The following OSBPL10 variants were observed in gnomAD, a reference collection of about 807,000 sequenced individuals.
OSBPL10 encodes the protein oxysterol binding protein like 10.
In OSBPL10, 49 loss-of-function variants were observed where a neutral mutation model predicts 81.7. The observed-to-expected ratio is 0.60, with a 90% confidence interval of 0.48 to 0.76. The LOEUF is 0.76. Among genes scored for constraint, OSBPL10 ranks in the 30% least tolerant of loss-of-function variants. The pLI is 0.00. For missense variants in OSBPL10, 923 were observed against 987.8 expected (o/e 0.93, Z 0.88); for synonymous variants, 419 against 383.6 (o/e 1.09, Z -1.08).
chr3:31,925,859 T>C (rs965434831), intron 1 of OSBPL10, among the ~76,000 whole-genome samples: 1 of 152,128 alleles, frequency 6.6e-6, no homozygotes, highest in Admixed American at 6.6e-5. Flanking sequence ...ACAAGAAGAA[T>C]ATCCCAAAGC....
chr3:31,859,997 T>C (rs765063054), intron 3 of OSBPL10, among the ~76,000 whole-genome samples: 2 of 152,104 alleles, frequency 1.3e-5, no homozygotes, highest in Non-Finnish European at 2.9e-5. Context: ...ACAGTTCCAT[T>C]TGGGCATGGA....
intron 4 of OSBPL10, among the ~76,000 whole-genome samples, 158 bp downstream of exon 4, chr3:31,829,882 A>G (rs572760818): frequency 3.9e-5 from 6 of 152,236 alleles, no homozygotes; most frequent in African/African-American, 1.4e-4. Context: ...AACTTTTTTT[A>G]AACCAGGAAG....
chr3:31,922,888 T>C (rs1696960750), intron 1 of OSBPL10, among the ~76,000 whole-genome samples: 1 of 152,014 alleles, frequency 6.6e-6, no homozygotes, highest in Non-Finnish European at 1.5e-5. Flanking sequence ...TCAGCAACAA[T>C]AACCTTCTAG....
intron 1 of OSBPL10, among the ~76,000 whole-genome samples, chr3:32,075,793 CAAGCT>C (rs1699869235): frequency 6.6e-6 from 1 of 152,188 alleles, no homozygotes; most frequent in Non-Finnish European, 1.5e-5. Context: ...CCTCTGAGCC[CAAGCT>C]AAGCCATCAT....
Position 32,048,446 on chromosome 3 carries a change from T to G in OSBPL10, n.186-1843A>C, listed in dbSNP as rs146937868. On this transcript the variant is annotated intron_variant and non_coding_transcript_variant, in intron 1 of 3. Transcript: ENST00000479173. ...CCTCAGCCTCCCAAATAGCTGCGAT[T>G]ACAGGCATACGCCACCATGCCCGGC... is the stretch of plus-strand genomic sequence containing the variant. Among the ~76,000 whole-genome samples, 991 of 152,222 alleles carry G rather than the reference T, an allele frequency of 6.5e-3. 12 individuals are homozygous for G. Among genetic ancestry groups the G allele is most frequent in the African/African-American group, 0.023 (943 of 41,512 alleles).
Position 31,872,308 on chromosome 3 carries a change from G to A in OSBPL10, c.537+4125C>T, listed in dbSNP as rs74783676. On this transcript the variant is annotated intron_variant, in intron 3 of 11. Coordinates refer to ENST00000396556, the MANE Select transcript of OSBPL10 (RefSeq NM_017784.5). ...CTGTGAGGCTAGATGTCAGAGCAAG[G>A]ACAAGAAAGCAGGAGACCCAGGTTC... Among the ~76,000 whole-genome samples the A allele has an allele frequency of 2.4e-4, 36 of 152,302 alleles. No homozygotes were observed. In the East Asian group the frequency reaches 6.9e-3, roughly 29 times the overall value.
At chr3:31,699,463 G>A (rs1695828055) in intron 7 of OSBPL10, among the ~76,000 whole-genome samples, 3 of 152,216 alleles carry the variant, frequency 2.0e-5, no homozygotes, top group Non-Finnish European at 2.9e-5. Flanking sequence ...TTCCAGTGGA[G>A]GTAGTCACCA....
At chr3:31,956,052 A>G (rs1469394735) in intron 1 of OSBPL10, among the ~76,000 whole-genome samples, 1 of 152,238 alleles carries the variant, frequency 6.6e-6, no homozygotes, top group Non-Finnish European at 1.5e-5. Context: ...GTTCCTAAAC[A>G]TGTAGCATTG....
At chr3:31,774,175 A>AAAG (rs556197659) in intron 4 of OSBPL10, among the ~76,000 whole-genome samples, 3,622 of 146,860 alleles carry the variant, frequency 0.025, 71 homozygotes, top group Middle Eastern at 0.034. Context: ...AAAAAAAAAA[A>AAAG]AAAAGAAAGA....
At chr3:31,848,298 C>T (rs1700683105) in intron 3 of OSBPL10, among the ~76,000 whole-genome samples, 1 of 151,584 alleles carries the variant, frequency 6.6e-6, no homozygotes, top group African/African-American at 2.4e-5. Flanking sequence ...TTACTCTCTG[C>T]TTGTCCTAGA....
At chr3:31,979,452 G>A (rs752621896) in intron 1 of OSBPL10, among the ~76,000 whole-genome samples, 3 of 152,188 alleles carry the variant, frequency 2.0e-5, no homozygotes, top group African/African-American at 4.8e-5. Context: ...ATATGTTTCA[G>A]ATGGAAGCAA....
At chr3:31,965,829 TATATAATATATATTATATAAAA>T (rs1309844862) in intron 1 of OSBPL10, among the ~76,000 whole-genome samples, 1,043 of 79,160 alleles carry the variant, frequency 0.013, 50 homozygotes, top group Middle Eastern at 0.038. Context: ...ATTATATAAA[TATATAATATATATTATATAAAA>T]AGATAATATA....
chr3:32,015,020 C>A (rs1362899280), intron 2 of OSBPL10, among the ~76,000 whole-genome samples: 1 of 152,130 alleles, frequency 6.6e-6, no homozygotes, highest in East Asian at 1.9e-4. Context: ...GCCATACTGC[C>A]CAAGGTAATT....
chr3:32,014,439 T>C (rs1699293838), intron 2 of OSBPL10, among the ~76,000 whole-genome samples: 1 of 152,250 alleles, frequency 6.6e-6, no homozygotes, highest in East Asian at 1.9e-4. Flanking sequence ...ATCGATGGGA[T>C]GTATCTTAAA....
chr3:31,671,094 C>T, intron 8 of OSBPL10, 111 bp from the exon 9 acceptor site: 1 of 1,047,422 alleles, frequency 9.5e-7, no homozygotes, highest in Non-Finnish European at 1.4e-6. Context: ...GATGTCACAT[C>T]TCCCACCTCT....
chr3:31,699,288 A>G (rs1695821905), intron 7 of OSBPL10, among the ~76,000 whole-genome samples: 1 of 152,192 alleles, frequency 6.6e-6, no homozygotes, highest in Admixed American at 6.5e-5. Flanking sequence ...CACATGGCCC[A>G]TAGGCTCTGC....
At position 31,662,868 on chromosome 3, in the gene OSBPL10, A is replaced by C. The variant is rs1045732346; in HGVS notation, c.2251-752T>G. The C allele has an allele frequency of 4.1e-5, 40 of 985,376 alleles. No individual in the cohort carries two copies. The Admixed American group carries it at 2.2e-3, about 53-fold the overall frequency. 61.0% of individuals were successfully genotyped at this position (985,376 alleles called of 1,614,324 possible). A position where few individuals can be genotyped will look rare whatever the true frequency, so the allele number is the denominator to read the frequency against. On this transcript the variant is annotated intron_variant, in intron 11 of 11. Transcript: ENST00000396556. ...CAAGAGAAAAGGGAGCTAACCTCAC[A>C]GAAGGATCTTTCAAGGTTTTACCTC...
intron 1 of OSBPL10, among the ~76,000 whole-genome samples, chr3:31,972,510 G>A (rs1315549532): frequency 6.6e-6 from 1 of 152,210 alleles, no homozygotes; most frequent in Non-Finnish European, 1.5e-5. Context: ...CTGACGGAGT[G>A]AGCACTGCAG....
chr3:31,930,003 C>CAAAAAA lies in OSBPL10; in HGVS notation c.282-50179_282-50174dup, dbSNP rs57256301. ...GATCAAGTGAGACCCTGTCACCAAC[C>CAAAAAA]AAAAAAAAAAAAAAAAAAAAAAACA... On this transcript the variant is annotated intron_variant, in intron 1 of 11. Coordinates refer to ENST00000396556, the MANE Select transcript of OSBPL10 (RefSeq NM_017784.5). Among the ~76,000 whole-genome samples, 415 of 72,146 alleles carry CAAAAAA rather than the reference C, an allele frequency of 5.8e-3. 25 individuals are homozygous for CAAAAAA. The highest frequency in any genetic ancestry group is 0.027 in the Middle Eastern group (2 of 74). 47.3% of individuals were successfully genotyped at this position (72,146 alleles called of 152,430 possible).
Sources: allele counts gnomAD v4.1 joint callset (sites outside exome capture counted in the v4.1 genomes callset), GRCh38; gene constraint gnomAD v4.1.1; transcripts MANE v1.5; gene names NCBI Gene and HGNC (gene_info 2026-07-23, HGNC 2026-07-21).